Variants in MYH8 observed in about 807,000 individuals in gnomAD.
MYH8 encodes the protein myosin heavy chain 8.
MYH8 carries 168 observed loss-of-function variants against 233.2 expected under a neutral mutation model. The ratio of observed to expected loss-of-function variants is 0.72; its 90% CI spans 0.64 to 0.82. The LOEUF is 0.82. Ranked by LOEUF, MYH8 falls within the 40% of genes least tolerant of loss-of-function variation. MYH8 has a pLI of 0.00. For synonymous variants in MYH8, 785 were observed against 850.6 expected, an observed-to-expected ratio of 0.92 and a Z score of 1.34; for missense variants, 1,995 against 2,327.8, an observed-to-expected ratio of 0.86 and a Z score of 2.94.
At position 10,396,646 on chromosome 17, in the gene MYH8, A is replaced by T. The variant is rs2072081117; in HGVS notation, c.4435T>A (p.Ser1479Thr). Residue 1479 changes from serine to threonine, a missense_variant, in exon 32 of 40, where the codon TCT becomes ACT. Ser to Thr is a moderately conservative substitution (Grantham distance 58, BLOSUM62 1). Coordinates refer to ENST00000403437, the MANE Select transcript of MYH8 (RefSeq NM_002472.3). This position sits in a 1 kb window ranked among gnomAD's most constrained non-coding sequence, Gnocchi z 4.2. ...ACCTTGAACAGCTCAGTGCTAAGAGAACGTGACTCCTTCTGGGAGGCCTCA... is the reference window on the plus strand; with the variant it reads ...ACCTTGAACAGCTCAGTGCTAAGAGTACGTGACTCCTTCTGGGAGGCCTCA... ...ELEASQKESR[S>T]LSTELFKVKN... The T allele has an allele frequency of 1.2e-6, 2 of 1,614,208 alleles. No individual in the cohort carries two copies. Among genetic ancestry groups the T allele is most frequent in the Non-Finnish European group, 1.7e-6 (2 of 1,180,036 alleles).
Position 10,414,057 on chromosome 17 carries a change from G to C in MYH8, c.1009-17C>G, listed in dbSNP as rs1288177813. On this transcript the variant is annotated splice_polypyrimidine_tract_variant and intron_variant, in intron 11 of 39. Transcript: ENST00000403437. Reference sequence around the variant, plus strand: ...AATGGCACTCTACCAGGAAAAATGAGAGGACAAAAGTTAGGGCTGAAGAGA... The same window carrying C: ...AATGGCACTCTACCAGGAAAAATGACAGGACAAAAGTTAGGGCTGAAGAGA... The C allele has an allele frequency of 2.5e-6, 4 of 1,614,012 alleles. No homozygotes were observed. The highest frequency in any genetic ancestry group is 1.6e-4 in the Middle Eastern group (1 of 6,084).
Position 10,409,360 on chromosome 17 carries a change from C to T in MYH8, c.1816G>A (p.Asp606Asn), listed in dbSNP as rs2072223631. Residue 606 changes from aspartate (D) to asparagine (N), a missense_variant, in exon 16 of 40, where the codon GAT becomes AAT. By Grantham distance (23) the Asp-to-Asn change is conservative (BLOSUM62 1). Coordinates refer to ENST00000403437, the MANE Select transcript of MYH8 (RefSeq NM_002472.3). ...WLDKNKDPLN[D>N]TVVGLYQKSA... ...TTCTGGTACAGCCCAACCACAGTATCATTCAGGGGGTCCTTATTTTTGTCC... is the reference window on the plus strand; with the variant it reads ...TTCTGGTACAGCCCAACCACAGTATTATTCAGGGGGTCCTTATTTTTGTCC... The T allele has an allele frequency of 6.2e-7, 1 of 1,614,092 alleles. No homozygotes were observed. Among genetic ancestry groups the T allele is most frequent in the Non-Finnish European group, 8.5e-7 (1 of 1,180,046 alleles).
chr17:10,406,726 A>G lies in MYH8; in HGVS notation c.2135T>C (p.Phe712Ser). ...ATCACCATATAAGATTCTGCTTGGG[A>G]ATCCTTTCCTACAGATGCGGATGCC... is the stretch of plus-strand genomic sequence containing the variant. ...LEGIRICRKG[F>S]PSRILYGDFK... The change falls in exon 19 of 40, where the codon TTC becomes TCC. Residue 712 changes from phenylalanine to serine, a missense_variant. Phe to Ser is a radical substitution (Grantham distance 155). Around this residue, in one of 3 missense-constraint regions of MYH8, gnomAD observed 1,498 missense variants for 1,680.9 expected, o/e 0.89. Transcript: ENST00000403437. 1 of 1,614,172 alleles carries G rather than the reference A, an allele frequency of 6.2e-7. No individual in the cohort carries two copies. The highest frequency in any genetic ancestry group is 8.5e-7 in the Non-Finnish European group (1 of 1,180,028).
Position 10,415,543 on chromosome 17 carries a change from G to C in MYH8, c.577C>G (p.Arg193Gly). The C allele has an allele frequency of 1.2e-6, 2 of 1,614,180 alleles. No homozygotes were observed. Among genetic ancestry groups the C allele is most frequent in the Non-Finnish European group, 1.7e-6 (2 of 1,180,040 alleles). Residue 193 changes from arginine to glycine, a missense_variant, in exon 7 of 40, where the codon CGT becomes GGT. Coordinates refer to ENST00000403437, the MANE Select transcript of MYH8 (RefSeq NM_002472.3). The surrounding 1 kb of genome is among the most constrained non-coding windows in gnomAD (Gnocchi z 4.1). ...ATTGTTGCAAAGTATTGGATGACAC[G>C]CTTGGTGTTCACAGTCTTTCCGGCA... The part of the protein sequence containing the change: ...SGAGKTVNTK[R>G]VIQYFATIAV...
In MYH8 at chr17:10,415,629, G is replaced by C; in HGVS notation, c.540-49C>G. On this transcript the variant is annotated intron_variant, in intron 6 of 39. Coordinates refer to ENST00000403437, the MANE Select transcript of MYH8 (RefSeq NM_002472.3). The surrounding 1 kb of genome is among the most constrained non-coding windows in gnomAD (Gnocchi z 4.1). ...AGATCAGAGAACTATGGCCTGCATT[G>C]TCAACATCTAAGACAATCCTTGCAA... The C allele has an allele frequency of 6.2e-7, 1 of 1,613,354 alleles. No individual in the cohort carries two copies. Among genetic ancestry groups the C allele is most frequent in the Non-Finnish European group, 8.5e-7 (1 of 1,179,368 alleles).
At position 10,409,440 on chromosome 17, in the gene MYH8, T is replaced by C. The variant is rs1473802850; in HGVS notation, c.1736A>G (p.His579Arg). ...GCCAGCATAGTGAATCAGAGAGAAG[T>C]GGGCCTCAGCCTTGCCTTTGACCAC... is the stretch of plus-strand genomic sequence containing the variant. ...PKVVKGKAEA[H>R]FSLIHYAGTV... The change falls in exon 16 of 40, where the codon CAC becomes CGC. Residue 579 changes from histidine (H) to arginine (R), a missense_variant. Transcript: ENST00000403437. 6.2e-7 allele frequency: 1 copy of C among 1,614,088 alleles called. No homozygotes were observed. The highest frequency in any genetic ancestry group is 8.5e-7 in the Non-Finnish European group (1 of 1,180,042).
intron 14 of MYH8, among the ~76,000 whole-genome samples, chr17:10,411,333 G>A (rs912917807): frequency 2.4e-4 from 36 of 150,784 alleles, no homozygotes; most frequent in African/African-American, 7.6e-4. Context: ...CTGAGATCGC[G>A]CCACTGCACA....
At chr17:10,411,713 A>G (rs2072246139) in intron 14 of MYH8, among the ~76,000 whole-genome samples, 1 of 152,228 alleles carries the variant, frequency 6.6e-6, no homozygotes, top group South Asian at 2.1e-4. Context: ...GTCTTGGTGT[A>G]TAAAGTGAAA....
chr17:10,418,663 A>C lies in MYH8; in HGVS notation c.493T>G (p.Tyr165Asp), dbSNP rs775792268. ...CACTCACCAGTCAACATGAACTGAT[A>C]GGCATTGTCAGAGATGGAGAAGATG... ...PHIFSISDNA[Y>D]QFMLTDRENQ... Residue 165 changes from tyrosine (Y) to aspartate (D), a missense_variant, in exon 5 of 40, where the codon TAT (tyrosine) becomes GAT (aspartate). By Grantham distance (160) the Tyr-to-Asp change is radical (BLOSUM62 -3). Around this residue, in one of 3 missense-constraint regions of MYH8, gnomAD observed 479 missense variants for 600.9 expected, o/e 0.80. Coordinates refer to ENST00000403437, the MANE Select transcript of MYH8 (RefSeq NM_002472.3). The C allele has an allele frequency of 6.2e-7, 1 of 1,613,938 alleles. No homozygotes were observed. Among genetic ancestry groups the C allele is most frequent in the South Asian group, 1.1e-5 (1 of 91,076 alleles).
intron 30 of MYH8, among the ~76,000 whole-genome samples, chr17:10,397,760 A>G (rs1200736789): frequency 6.6e-6 from 1 of 152,212 alleles, no homozygotes; most frequent in African/African-American, 2.4e-5. Context: ...CAGACTTTTC[A>G]TTCCATTTTA....
intron 21 of MYH8, 103 bp downstream of exon 21, chr17:10,405,938 G>T: frequency 1.4e-6 from 2 of 1,414,150 alleles, no homozygotes; most frequent in Non-Finnish European, 2.0e-6. Flanking sequence ...TGAATTGGGT[G>T]AGAGGAACTA....
chr17:10,396,977 C>CCT lies in MYH8; in HGVS notation c.4187_4188insAG (p.Ala1397GlyfsTer12). 1 of 1,614,218 alleles carries CCT rather than the reference C, an allele frequency of 6.2e-7. No individual in the cohort carries two copies. The highest frequency in any genetic ancestry group is 1.7e-5 in the Admixed American group (1 of 60,034). On this transcript the variant is annotated frameshift_variant, in exon 31 of 40. Coordinates refer to ENST00000403437, the MANE Select transcript of MYH8 (RefSeq NM_002472.3). LOFTEE classifies it high-confidence loss of function. This position sits in a 1 kb window ranked among gnomAD's most constrained non-coding sequence, Gnocchi z 4.2. ...CCTCAGCTTCTTGCAGGCGCTGGGC[C>CCT]AACTTTTTCCTGAAAAGTTAGCCAG...
At chr17:10,398,997 T>C in intron 28 of MYH8, 111 bp from the exon 29 acceptor site, 1 of 221,600 alleles carries the variant, frequency 4.5e-6, no homozygotes, top group South Asian at 1.1e-4. Context: ...TGTGTGTGTA[T>C]ATATATATAT....
rs761433197 is a variant in MYH8, at chr17:10,398,748, A to G, written c.3981+20T>C. On this transcript the variant is annotated intron_variant, in intron 29 of 39. Coordinates refer to ENST00000403437, the MANE Select transcript of MYH8 (RefSeq NM_002472.3). ...CAGGTTTAGATTTGGTTAGTCAAAA[A>G]AATCCTTGGCAAAACTCACTTTAGT... The G allele has an allele frequency of 3.1e-6, 5 of 1,613,858 alleles. No individual in the cohort carries two copies. Among genetic ancestry groups the G allele is most frequent in the Non-Finnish European group, 4.2e-6 (5 of 1,179,942 alleles).
In MYH8 at chr17:10,395,278, G is replaced by A. The variant is rs1159573863; in HGVS notation, c.4817C>T (p.Ala1606Val). 1.2e-6 allele frequency: 2 copies of A among 1,614,038 alleles called. No homozygotes were observed. Among genetic ancestry groups the A allele is most frequent in the East Asian group, 4.5e-5 (2 of 44,870 alleles). ...VVETMQSTLD[A>V]EIRSRNDALR... ...AGCATCATTTCTGCTTCTAATCTCT[G>A]CATCCAGCGTGCTCTGCATTGTCTC... Residue 1606 changes from alanine to valine, a missense_variant, in exon 34 of 40, where the codon GCA (alanine) becomes GTA (valine). Transcript: ENST00000403437.
chr17:10,408,199 A>G (rs932425437), intron 17 of MYH8, among the ~76,000 whole-genome samples: 8 of 152,026 alleles, frequency 5.3e-5, no homozygotes, highest in African/African-American at 1.9e-4. Flanking sequence ...TCAGCCTCCC[A>G]AAGTGCTGGG....
Position 10,391,988 on chromosome 17 carries a change from GA to G in MYH8, c.5569-12del. ...GCGATCTTCTTCAGTCTGAAAGTTT[GA>G]AAAAAATAATCTGCATTCATTCCGA... On this transcript the variant is annotated splice_polypyrimidine_tract_variant and intron_variant, in intron 38 of 39. Coordinates refer to ENST00000403437, the MANE Select transcript of MYH8 (RefSeq NM_002472.3). 1.9e-6 allele frequency: 3 copies of G among 1,609,626 alleles called. No homozygotes were observed. Among genetic ancestry groups the G allele is most frequent in the Middle Eastern group, 1.7e-4 (1 of 6,054 alleles).
Position 10,414,001 on chromosome 17 carries a change from C to A in MYH8, c.1048G>T (p.Val350Leu), listed in dbSNP as rs530350694. 6.2e-7 allele frequency: 1 copy of A among 1,614,086 alleles called. No individual in the cohort carries two copies. The highest frequency in any genetic ancestry group is 8.5e-7 in the Non-Finnish European group (1 of 1,180,032). Residue 350 changes from valine (V) to leucine (L), a missense_variant, in exon 12 of 40, where the codon GTG becomes TTG. Val to Leu is a conservative substitution (Grantham distance 32). This residue lies in a region of MYH8 where 479 missense variants were observed against 600.9 expected (regional missense o/e 0.80). Transcript: ENST00000403437. ...GCCCCTGTGAGTTTATAGATGGACACTTTCTCTTCAGGAGTGAAGCCCAGG... is the reference window on the plus strand; with the variant it reads ...GCCCCTGTGAGTTTATAGATGGACAATTTCTCTTCAGGAGTGAAGCCCAGG... ...DILGFTPEEK[V>L]SIYKLTGAVM...
chr17:10,413,808 G>A lies in MYH8; in HGVS notation c.1147+94C>T, dbSNP rs11078845. 0.39 allele frequency: 625,838 copies of A among 1,587,528 alleles called. 133,629 individuals carry two copies. Among genetic ancestry groups the A allele is most frequent in the East Asian group, 0.85 (38,096 of 44,740 alleles). ...AATGTGTATATGCCCTTCACAAGTC[G>A]CAAGTCCAGCCACAAAGGAGATGTG... is the stretch of plus-strand genomic sequence containing the variant. On this transcript the variant is annotated intron_variant, in intron 12 of 39. Transcript: ENST00000403437.
Sources: allele counts gnomAD v4.1 joint callset (sites outside exome capture counted in the v4.1 genomes callset), GRCh38; gene constraint gnomAD v4.1.1; regional missense constraint gnomAD v4.1.1; non-coding constraint Gnocchi (gnomAD v3.1); transcripts MANE v1.5; gene names NCBI Gene and HGNC (gene_info 2026-07-23, HGNC 2026-07-21).